Variants in ADARB2 observed in about 807,000 individuals in gnomAD.
ADARB2 encodes adenosine deaminase RNA specific B2 (inactive).
Under a neutral mutation model 62.2 loss-of-function variants are expected in ADARB2, and 25 were observed. The observed-to-expected ratio is 0.40, with a 90% CI of 0.29 to 0.56. ADARB2 has a LOEUF of 0.56. Ranked by LOEUF, ADARB2 falls within the 20% of genes least tolerant of loss-of-function variation. The probability of loss-of-function intolerance (pLI) is 0.43; values close to 1 mark genes in which losing one functional copy is unlikely to be tolerated. For missense variants in ADARB2, 1,071 were observed against 1,077.4 expected, an observed-to-expected ratio of 0.99 and a Z score of 0.08; for synonymous variants, 572 against 500.8, an observed-to-expected ratio of 1.14 and a Z score of -1.90.
At chr10:1,267,524 G>C (rs187981955) in intron 4 of ADARB2, among the ~76,000 whole-genome samples, 1 of 152,334 alleles carries the variant, frequency 6.6e-6, no homozygotes, top group African/African-American at 2.4e-5. Flanking sequence ...AGTTCTCTGG[G>C]AGAGAGGCAG....
At position 1,669,377 on chromosome 10, in the gene ADARB2, C is replaced by T. The variant is rs941520441; in HGVS notation, c.100+67674G>A. ...CTGGAAGCTACCACCACCCACCTGC[C>T]TTGTGTGAAAGCAGCACACACATAA... On this transcript the variant is annotated intron_variant, in intron 1 of 9. Coordinates refer to ENST00000381312, the MANE Select transcript of ADARB2 (RefSeq NM_018702.4). Among the ~76,000 whole-genome samples the T allele has an allele frequency of 3.8e-4, 58 of 152,152 alleles. 1 individual carries two copies. Among genetic ancestry groups the T allele is most frequent in the Admixed American group, 3.8e-3 (58 of 15,270 alleles).
intron 3 of ADARB2, among the ~76,000 whole-genome samples, chr10:1,295,169 A>G (rs1330687111): frequency 1.3e-5 from 2 of 152,226 alleles, no homozygotes; most frequent in African/African-American, 4.8e-5. Flanking sequence ...TGTCTGGTGC[A>G]GAGCTCGACA....
chr10:1,536,205 T>C (rs1469945194), intron 1 of ADARB2, among the ~76,000 whole-genome samples: 5 of 151,744 alleles, frequency 3.3e-5, no homozygotes, highest in Admixed American at 3.3e-4. Flanking sequence ...TTAGATGGGG[T>C]CCTGAGGGTG....
intron 1 of ADARB2, among the ~76,000 whole-genome samples, chr10:1,616,966 A>C (rs1833644855): frequency 6.6e-6 from 1 of 151,244 alleles, no homozygotes. Flanking sequence ...GCATCCTGGG[A>C]ACTGACCTCA....
intron 1 of ADARB2, among the ~76,000 whole-genome samples, chr10:1,715,342 A>G (rs1255676999): frequency 6.6e-6 from 1 of 152,176 alleles, no homozygotes; most frequent in African/African-American, 2.4e-5. Flanking sequence ...CAATCCTGTG[A>G]AATTCTTTTT....
intron 3 of ADARB2, among the ~76,000 whole-genome samples, chr10:1,315,037 A>G (rs1221666745): frequency 2.0e-5 from 3 of 152,188 alleles, no homozygotes; most frequent in Admixed American, 1.3e-4. Flanking sequence ...AGGTTCCAAC[A>G]TGACGAAGTA....
At chr10:1,570,316 G>T (rs781356365) in intron 1 of ADARB2, among the ~76,000 whole-genome samples, 44 of 152,158 alleles carry the variant, frequency 2.9e-4, no homozygotes, top group Non-Finnish European at 6.3e-4. Flanking sequence ...TGTTTGCTTT[G>T]CTGTCTCTCC....
chr10:1,222,659 T>G (rs1318449200), intron 6 of ADARB2, among the ~76,000 whole-genome samples: 1 of 147,242 alleles, frequency 6.8e-6, no homozygotes, highest in Non-Finnish European at 1.5e-5. Flanking sequence ...CCAGCACCAT[T>G]TATTAAATAG....
At position 1,549,556 on chromosome 10, in the gene ADARB2, C is replaced by G. The variant is rs181308622; in HGVS notation, c.101-170396G>C. 1.7e-3 allele frequency among the ~76,000 whole-genome samples: 254 copies of G among 152,086 alleles called. 3 individuals carry two copies. The highest frequency in any genetic ancestry group is 6.0e-3 in the African/African-American group (247 of 41,470). On this transcript the variant is annotated intron_variant, in intron 1 of 9. Transcript: ENST00000381312. ...TTGTGCTAAGAGAAGACGCTGCCTC[C>G]TTTTCTTCCTCCGAGACCCACGCAT...
chr10:1,683,535 G>A (rs1032367292), intron 1 of ADARB2, among the ~76,000 whole-genome samples: 2 of 152,170 alleles, frequency 1.3e-5, no homozygotes. Context: ...TCCGAAGCAG[G>A]GAGTGGAGTC....
intron 3 of ADARB2, among the ~76,000 whole-genome samples, chr10:1,323,210 T>C (rs1831810402): frequency 6.6e-6 from 1 of 151,726 alleles, no homozygotes; most frequent in Admixed American, 6.6e-5. Context: ...ATCATCCTCT[T>C]TATCATACTT....
chr10:1,707,206 G>C (rs183736209), intron 1 of ADARB2, among the ~76,000 whole-genome samples: 8 of 152,306 alleles, frequency 5.3e-5, no homozygotes, highest in African/African-American at 1.9e-4. Flanking sequence ...GCTCAGCACC[G>C]CGGCCCCGAT....
intron 1 of ADARB2, among the ~76,000 whole-genome samples, chr10:1,709,488 G>A (rs374784039): frequency 1.3e-5 from 2 of 152,204 alleles, no homozygotes; most frequent in African/African-American, 4.8e-5. Context: ...TGCAATGTTT[G>A]TTAGCTGCTG....
intron 3 of ADARB2, among the ~76,000 whole-genome samples, chr10:1,360,132 A>G (rs1293473886): frequency 6.6e-6 from 1 of 152,098 alleles, no homozygotes; most frequent in African/African-American, 2.4e-5. Flanking sequence ...TGAGCCTGGG[A>G]CTGTGGGCAG....
intron 3 of ADARB2, among the ~76,000 whole-genome samples, chr10:1,342,318 C>T (rs1217463489): frequency 2.0e-5 from 3 of 152,206 alleles, no homozygotes; most frequent in Non-Finnish European, 2.9e-5. Context: ...ACACACATGG[C>T]CCCACAGAAC....
intron 1 of ADARB2, among the ~76,000 whole-genome samples, chr10:1,727,945 T>A (rs558699596): frequency 6.6e-6 from 1 of 152,374 alleles, no homozygotes; most frequent in East Asian, 1.9e-4. Context: ...ATATAATGTT[T>A]AAGGCAAAAT....
intron 1 of ADARB2, among the ~76,000 whole-genome samples, chr10:1,569,311 G>A (rs1360845457): frequency 2.0e-5 from 3 of 152,040 alleles, no homozygotes; most frequent in Admixed American, 1.3e-4. Context: ...TGTACCCAGT[G>A]GCCTCCAGCA....
intron 1 of ADARB2, among the ~76,000 whole-genome samples, chr10:1,401,467 G>A (rs1314248183): frequency 6.6e-6 from 1 of 152,204 alleles, no homozygotes; most frequent in Non-Finnish European, 1.5e-5. Flanking sequence ...ATGGAGGGCA[G>A]GTGCCAGCGC....
chr10:1,571,079 T>C (rs1398887238), intron 1 of ADARB2, among the ~76,000 whole-genome samples: 3 of 152,194 alleles, frequency 2.0e-5, no homozygotes, highest in Non-Finnish European at 4.4e-5. Context: ...TATCGAATGA[T>C]GTGAAAGAAT....
Sources: allele counts gnomAD v4.1 joint callset (sites outside exome capture counted in the v4.1 genomes callset), GRCh38; gene constraint gnomAD v4.1.1; transcripts MANE v1.5; gene names NCBI Gene and HGNC (gene_info 2026-07-23, HGNC 2026-07-21).